Variants in CLCN7 observed in about 807,000 individuals in gnomAD.
CLCN7 encodes H(+)/Cl(-) exchange transporter 7.
A neutral mutation model predicts 102.1 loss-of-function variants in CLCN7; 60 were observed. That is an observed-to-expected ratio of 0.59 (90% CI 0.48 to 0.73). The LOEUF is 0.73. Ranked by LOEUF, CLCN7 falls within the 30% of genes least tolerant of loss-of-function variation. The pLI is 0.00. For missense variants in CLCN7, 962 were observed against 1,125.7 expected, an observed-to-expected ratio of 0.85 and a Z score of 2.08; for synonymous variants, 560 against 490.5, an observed-to-expected ratio of 1.14 and a Z score of -1.87.
chr16:1,458,841 G>A (rs11863532), intron 7 of CLCN7, among the ~76,000 whole-genome samples: 33 of 152,320 alleles, frequency 2.2e-4, no homozygotes, highest in African/African-American at 6.7e-4. Context: ...CAGACGCGTC[G>A]CACAGCTGTG....
At chr16:1,452,984 A>G in intron 14 of CLCN7, 91 bp from the exon 15 acceptor site, 1 of 1,501,688 alleles carries the variant, frequency 6.7e-7, no homozygotes, top group South Asian at 1.2e-5. Context: ...GATGGAGGAC[A>G]CTGGGCCCGT....
In CLCN7 at chr16:1,446,601, G is replaced by T. The variant is rs747601379; in HGVS notation, c.*30C>A. On this transcript the variant is annotated 3_prime_UTR_variant, in exon 25 of 25. Coordinates refer to ENST00000382745, the MANE Select transcript of CLCN7 (RefSeq NM_001287.6). ...AATGCAGAAGGGCCGGGGTGCCAGC[G>T]CCAGTGCCCATTATGGGCAGGGCTG... 3 of 1,525,402 alleles carry T rather than the reference G, an allele frequency of 2.0e-6. No homozygotes were observed. In the South Asian group the frequency reaches 3.6e-5, roughly 18 times the overall value. 94.5% of individuals were successfully genotyped at this position (1,525,402 alleles called of 1,614,324 possible).
At chr16:1,446,889 G>T in intron 24 of CLCN7, 117 bp downstream of exon 24, 1 of 1,178,278 alleles carries the variant, frequency 8.5e-7, no homozygotes, top group Non-Finnish European at 1.2e-6. Context: ...GGCATGGGCC[G>T]ACTCGGTGCT....
In CLCN7 at chr16:1,474,824, C is replaced by A; in HGVS notation, c.141+10G>T. 1 of 1,335,974 alleles carries A rather than the reference C, an allele frequency of 7.5e-7. No homozygotes were observed. The highest frequency in any genetic ancestry group is 9.6e-7 in the Non-Finnish European group (1 of 1,043,308). 82.8% of individuals were successfully genotyped at this position (1,335,974 alleles called of 1,614,324 possible). A position where few individuals can be genotyped will look rare whatever the true frequency, so the allele number is the denominator to read the frequency against. On this transcript the variant is annotated intron_variant, in intron 1 of 24. Coordinates refer to ENST00000382745, the MANE Select transcript of CLCN7 (RefSeq NM_001287.6). ...CTCAGTTTCCCCGCCTGCGCCCTGC[C>A]CGGCCTCACCTGGCGCGCAGCCCCA...
At chr16:1,473,857 G>A (rs1356671071) in intron 1 of CLCN7, among the ~76,000 whole-genome samples, 1 of 152,142 alleles carries the variant, frequency 6.6e-6, no homozygotes, top group South Asian at 2.1e-4. Flanking sequence ...GCTGAGGTGC[G>A]GGGGATCACG....
rs535031741 is a variant in CLCN7, at chr16:1,446,381, A to C, written c.*250T>G. 8 of 702,348 alleles carry C rather than the reference A, an allele frequency of 1.1e-5. No homozygotes were observed. In the East Asian group the frequency reaches 1.9e-4, roughly 16 times the overall value. The allele number at this position is 702,348 out of a possible 1,614,324, so 43.5% of individuals were successfully genotyped here. Reference sequence around the variant, plus strand: ...ACACAGCTGATCCCTGGAGGTAAAGAAACCTAGACGAGGAGAGTGGAGGCT... The same window carrying C: ...ACACAGCTGATCCCTGGAGGTAAAGCAACCTAGACGAGGAGAGTGGAGGCT... On this transcript the variant is annotated 3_prime_UTR_variant, in exon 25 of 25. Coordinates refer to ENST00000382745, the MANE Select transcript of CLCN7 (RefSeq NM_001287.6).
chr16:1,447,355 C>A, intron 23 of CLCN7, 37 bp downstream of exon 23: 1 of 1,528,494 alleles, frequency 6.5e-7, no homozygotes, highest in Non-Finnish European at 8.8e-7. Flanking sequence ...GCTGTTCAGT[C>A]CCAGGCCCCA....
intron 17 of CLCN7, 141 bp downstream of exon 17, chr16:1,450,356 C>T (rs540954742): frequency 3.5e-5 from 30 of 867,964 alleles, no homozygotes; most frequent in African/African-American, 9.9e-5. Flanking sequence ...CCGTGAACCA[C>T]GCGAGGACAA....
At chr16:1,462,402 A>G (rs2038950916) in intron 2 of CLCN7, among the ~76,000 whole-genome samples, 1 of 116,070 alleles carries the variant, frequency 8.6e-6, no homozygotes, top group Non-Finnish European at 1.7e-5. Flanking sequence ...TTTGAGATAC[A>G]GTCACTCTTT....
At chr16:1,447,189 C>A in intron 23 of CLCN7, 103 bp from the exon 24 acceptor site, 1 of 1,245,402 alleles carries the variant, frequency 8.0e-7, no homozygotes, top group Non-Finnish European at 1.1e-6. Flanking sequence ...CGTCCAGGCA[C>A]GTCCTGAGCC....
At chr16:1,472,918 C>A (rs905521621) in intron 1 of CLCN7, among the ~76,000 whole-genome samples, 4 of 150,810 alleles carry the variant, frequency 2.7e-5, no homozygotes, top group Non-Finnish European at 4.4e-5. Flanking sequence ...AGATGCATAT[C>A]ACCACACCTG....
At chr16:1,465,374 C>T (rs767988832) in intron 1 of CLCN7, 36 bp from the exon 2 acceptor site, 25 of 1,572,410 alleles carry the variant, frequency 1.6e-5, no homozygotes, top group Non-Finnish European at 1.9e-5. Flanking sequence ...GGCGCTCAGG[C>T]GTCGCACGCT....
At chr16:1,452,662 G>A in intron 15 of CLCN7, 93 bp downstream of exon 15, 1 of 1,365,578 alleles carries the variant, frequency 7.3e-7, no homozygotes, top group East Asian at 2.5e-5. Context: ...TCGGCGGGGT[G>A]GGCAGCCCTC....
chr16:1,449,460 C>G, intron 17 of CLCN7, 133 bp from the exon 18 acceptor site: 1 of 787,170 alleles, frequency 1.3e-6, no homozygotes. Context: ...CGCGTACATA[C>G]ACACAGAACA....
At chr16:1,447,609 C>A (rs1246575390) in intron 22 of CLCN7, 41 bp from the exon 23 acceptor site, 6 of 1,551,400 alleles carry the variant, frequency 3.9e-6, no homozygotes, top group Non-Finnish European at 5.2e-6. Flanking sequence ...CCAGGCAGCA[C>A]CCCCGGGGCC....
chr16:1,469,713 CAA>C (rs1373730845), intron 1 of CLCN7, among the ~76,000 whole-genome samples: 1 of 152,088 alleles, frequency 6.6e-6, no homozygotes, highest in East Asian at 1.9e-4. Flanking sequence ...AACAAAAAAC[CAA>C]AAACCAAAAA....
chr16:1,454,850 G>T (rs376879469), intron 12 of CLCN7, among the ~76,000 whole-genome samples: 1 of 152,210 alleles, frequency 6.6e-6, no homozygotes, highest in African/African-American at 2.4e-5. Flanking sequence ...CACCTGCCCC[G>T]AGAGCGGCTG....
intron 2 of CLCN7, among the ~76,000 whole-genome samples, chr16:1,462,677 A>AAAAAAAAAAAAAAAAAC (rs1567273396): frequency 6.8e-6 from 1 of 146,844 alleles, no homozygotes; most frequent in African/African-American, 2.6e-5. Context: ...AAAAAAAAAA[A>AAAAAAAAAAAAAAAAAC]AAAAAAAAAA....
At chr16:1,465,490 C>T (rs1481934837) in intron 1 of CLCN7, 152 bp from the exon 2 acceptor site, 1 of 739,148 alleles carries the variant, frequency 1.4e-6, no homozygotes, top group African/African-American at 1.7e-5. Flanking sequence ...GTGGGGGCAG[C>T]AGGGCTGGGA....
Sources: allele counts gnomAD v4.1 joint callset (sites outside exome capture counted in the v4.1 genomes callset), GRCh38; gene constraint gnomAD v4.1.1; transcripts MANE v1.5; gene names NCBI Gene and HGNC (gene_info 2026-07-23, HGNC 2026-07-21).